Variants in PCDHGB5 observed in about 807,000 individuals in gnomAD.
PCDHGB5 encodes protocadherin gamma subfamily B, 5, also known as protocadherin gamma-B5.
PCDHGB5 carries 48 observed loss-of-function variants against 62.9 expected under a neutral mutation model. The ratio of observed to expected loss-of-function variants is 0.76; its 90% CI spans 0.61 to 0.97. The LOEUF (loss-of-function observed/expected upper bound fraction) is 0.97, where lower values mean the gene tolerates loss of function less well. PCDHGB5 is among the 50% of genes least tolerant of loss of function. PCDHGB5 has a pLI of 0.00. For synonymous variants in PCDHGB5, 474 were observed against 511.2 expected, an observed-to-expected ratio of 0.93 and a Z score of 0.98; for missense variants, 1,118 against 1,198.6, an observed-to-expected ratio of 0.93 and a Z score of 0.99.
At chr5:141,414,137 T>C in intron 1 of PCDHGB5, 1 of 1,595,618 alleles carries the variant, frequency 6.3e-7, no homozygotes, top group South Asian at 1.1e-5. Context: ...TTCTATGAAA[T>C]AGAAATACAA....
rs13436338 is a variant in PCDHGB5, at chr5:141,468,261, G to A, written c.2398-26546G>A. On this transcript the variant is annotated intron_variant, in intron 1 of 3. Coordinates refer to ENST00000617380, the MANE Select transcript of PCDHGB5 (RefSeq NM_018925.3). ...AATTGCCTGAACCTGGGAGGCAGAG[G>A]TTGTGGTGAGCCGAGACCACGCCAT... Among the ~76,000 whole-genome samples, 391 of 149,216 alleles carry A rather than the reference G, an allele frequency of 2.6e-3. 2 individuals are homozygous for A. Among genetic ancestry groups the A allele is most frequent in the African/African-American group, 9.3e-3 (377 of 40,498 alleles).
At chr5:141,427,683 G>C in intron 1 of PCDHGB5, 1 of 836,052 alleles carries the variant, frequency 1.2e-6, no homozygotes. Flanking sequence ...CCTTCCCGGA[G>C]CCTCCATCCC....
At chr5:141,404,436 C>A in intron 1 of PCDHGB5, 1 of 1,612,704 alleles carries the variant, frequency 6.2e-7, no homozygotes, top group Non-Finnish European at 8.5e-7. Flanking sequence ...GCAGAGGATA[C>A]CATCCAAGGG....
At position 141,477,067 on chromosome 5, in the gene PCDHGB5, C is replaced by G. The variant is rs370882752; in HGVS notation, c.2398-17740C>G. 5.6e-5 allele frequency: 91 copies of G among 1,614,116 alleles called. No individual in the cohort carries two copies. Among genetic ancestry groups the G allele is most frequent in the Non-Finnish European group, 7.7e-5 (91 of 1,180,042 alleles). ...GGCTGGACTTCGAGGACACCAAACT[C>G]CATGAGATTTACATCCAGGCCAAAG... On this transcript the variant is annotated intron_variant, in intron 1 of 3. Transcript: ENST00000617380. This position sits in a 1 kb window ranked among gnomAD's most constrained non-coding sequence, Gnocchi z 4.9.
intron 1 of PCDHGB5, among the ~76,000 whole-genome samples, chr5:141,460,807 A>G (rs2098998307): frequency 6.6e-6 from 1 of 151,962 alleles, no homozygotes; most frequent in Non-Finnish European, 1.5e-5. Context: ...ATATATATGT[A>G]TGTATACATA....
At chr5:141,422,806 C>T (rs868426196) in intron 1 of PCDHGB5, 2 of 1,614,208 alleles carry the variant, frequency 1.2e-6, no homozygotes, top group Non-Finnish European at 1.7e-6. Flanking sequence ...TGAGCAGTTT[C>T]GAGACTTAGA....
At chr5:141,458,645 C>T (rs1162232847) in intron 1 of PCDHGB5, among the ~76,000 whole-genome samples, 2 of 152,170 alleles carry the variant, frequency 1.3e-5, no homozygotes, top group Non-Finnish European at 2.9e-5. Flanking sequence ...TCCCAGCTCA[C>T]TGCAACCTCC....
At chr5:141,419,315 C>T in intron 1 of PCDHGB5, 1 of 1,613,998 alleles carries the variant, frequency 6.2e-7, no homozygotes. Flanking sequence ...GCTCAACGGC[C>T]GTGTCTCCTA....
chr5:141,455,448 C>T (rs1403500578), intron 1 of PCDHGB5, among the ~76,000 whole-genome samples: 1 of 152,112 alleles, frequency 6.6e-6, no homozygotes, highest in African/African-American at 2.4e-5. Context: ...CCATCTACCG[C>T]GGATACCAGC....
intron 1 of PCDHGB5, among the ~76,000 whole-genome samples, chr5:141,472,242 A>T (rs1342571385): frequency 6.6e-6 from 1 of 152,186 alleles, no homozygotes; most frequent in East Asian, 1.9e-4. Flanking sequence ...TTCACTTTCT[A>T]TTTTAAAGTT....
intron 2 of PCDHGB5, among the ~76,000 whole-genome samples, chr5:141,504,280 C>T (rs1027657223): frequency 6.6e-6 from 1 of 152,076 alleles, no homozygotes; most frequent in Admixed American, 6.6e-5. Context: ...AATTATGAAT[C>T]ATTTCATGTT....
At chr5:141,410,124 G>T in intron 1 of PCDHGB5, 1 of 1,612,726 alleles carries the variant, frequency 6.2e-7, no homozygotes, top group South Asian at 1.1e-5. Flanking sequence ...GCCCGCCAGC[G>T]CCTGCTGGTC....
intron 1 of PCDHGB5, chr5:141,441,752 C>A (rs1043293959): frequency 5.3e-6 from 2 of 377,970 alleles, no homozygotes; most frequent in Non-Finnish European, 5.3e-6. Flanking sequence ...TCGGCGTCAA[C>A]GTGAGCCTGC....
intron 2 of PCDHGB5, among the ~76,000 whole-genome samples, chr5:141,504,253 G>A (rs1036263329): frequency 6.6e-6 from 1 of 152,100 alleles, no homozygotes; most frequent in Non-Finnish European, 1.5e-5. Context: ...TTCTTCTTAT[G>A]GTTTAGTATT....
At chr5:141,445,313 T>C (rs1186654847) in intron 1 of PCDHGB5, among the ~76,000 whole-genome samples, 8 of 152,328 alleles carry the variant, frequency 5.3e-5, no homozygotes, top group Non-Finnish European at 4.4e-5. Flanking sequence ...GTTTGTAGGT[T>C]GAGAGAACCC....
intron 1 of PCDHGB5, among the ~76,000 whole-genome samples, chr5:141,448,521 GCATCCTGTCAGCATTTC>G (rs1378426350): frequency 1.3e-5 from 2 of 151,994 alleles, no homozygotes; most frequent in Non-Finnish European, 2.9e-5. Flanking sequence ...ACTTTATTAA[GCATCCTGTCAGCATTTC>G]TTATGCAAAT....
At chr5:141,478,683 C>G (rs1355955377) in intron 1 of PCDHGB5, 14 of 1,551,164 alleles carry the variant, frequency 9.0e-6, no homozygotes, top group African/African-American at 1.4e-5. Flanking sequence ...CTGGCCCTTC[C>G]TAGATCAAAG....
In PCDHGB5 at chr5:141,493,079, G is replaced by A. The variant is rs1299289839; in HGVS notation, c.2398-1728G>A. 6.6e-6 allele frequency among the ~76,000 whole-genome samples: 1 copy of A among 152,204 alleles called. No homozygotes were observed. Among genetic ancestry groups the A allele is most frequent in the East Asian group, 1.9e-4 (1 of 5,196 alleles). Reference sequence around the variant, plus strand: ...AAAAACACAAGTTTCTCCAACTCCAGGAGCTTTTATTCAAAATATATCAAT... The same window carrying A: ...AAAAACACAAGTTTCTCCAACTCCAAGAGCTTTTATTCAAAATATATCAAT... On this transcript the variant is annotated intron_variant, in intron 1 of 3. Transcript: ENST00000617380. The surrounding 1 kb of genome is among the most constrained non-coding windows in gnomAD (Gnocchi z 4.3).
chr5:141,508,714 G>A (rs775462794), intron 3 of PCDHGB5, among the ~76,000 whole-genome samples: 16 of 151,880 alleles, frequency 1.1e-4, no homozygotes, highest in Admixed American at 2.0e-4. Context: ...ATTCTTTTCT[G>A]TGTGCAGGGA....
Sources: gnomAD v4.1 joint callset for allele counts (sites outside exome capture counted in the v4.1 genomes callset) on GRCh38, gnomAD v4.1.1 for gene constraint, Gnocchi (gnomAD v3.1) non-coding constraint, MANE v1.5 for transcripts, NCBI Gene and HGNC (gene_info 2026-07-23, HGNC 2026-07-21) for gene names.